The following PRKG1 variants were observed in gnomAD, a reference collection of about 807,000 sequenced individuals.
PRKG1 encodes cGMP-dependent protein kinase 1.
In PRKG1, 35 loss-of-function variants were observed where a neutral mutation model predicts 88.1. The ratio of observed to expected loss-of-function variants is 0.40; its 90% CI spans 0.30 to 0.53. PRKG1 has a LOEUF of 0.53. PRKG1 is among the 20% of genes least tolerant of loss of function. PRKG1 has a pLI of 0.59. For synonymous variants in PRKG1, 303 were observed against 292.5 expected (o/e 1.04, Z -0.37); for missense variants, 540 against 839.8 (o/e 0.64, Z 4.41).
intron 5 of PRKG1, among the ~76,000 whole-genome samples, chr10:52,014,448 C>T (rs1216331697): frequency 1.3e-5 from 2 of 152,252 alleles, no homozygotes; most frequent in Middle Eastern, 3.4e-3. Context: ...CAATCACCCC[C>T]ATCAGGTCTT....
At chr10:52,178,788 T>A (rs1421691827) in intron 9 of PRKG1, among the ~76,000 whole-genome samples, 1 of 152,202 alleles carries the variant, frequency 6.6e-6, no homozygotes, top group East Asian at 1.9e-4. Flanking sequence ...TAAATCTTGT[T>A]TTGTCTGATG....
intron 2 of PRKG1, among the ~76,000 whole-genome samples, chr10:51,179,759 G>C (rs1289536672): frequency 6.6e-6 from 1 of 152,140 alleles, no homozygotes; most frequent in East Asian, 1.9e-4. Context: ...CAGTGGAGAA[G>C]TCATTCTCTT....
At chr10:51,516,302 C>T (rs61849818) in intron 3 of PRKG1, among the ~76,000 whole-genome samples, 36,742 of 151,906 alleles carry the variant, frequency 0.24, 4,855 homozygotes, top group Admixed American at 0.32. Flanking sequence ...CTGCTGTCTC[C>T]GAAGTCAAGT....
intron 2 of PRKG1, among the ~76,000 whole-genome samples, chr10:51,300,012 G>A (rs16916472): frequency 0.033 from 5,094 of 152,234 alleles, 271 homozygotes; most frequent in African/African-American, 0.11. Flanking sequence ...CAGAGGGTAT[G>A]AAGGGTGTCA....
intron 3 of PRKG1, among the ~76,000 whole-genome samples, chr10:51,701,498 C>T (rs1301292905): frequency 6.6e-6 from 1 of 152,140 alleles, no homozygotes; most frequent in East Asian, 1.9e-4. Flanking sequence ...ATAAGATTTT[C>T]CTGCTATGTC....
intron 4 of PRKG1, among the ~76,000 whole-genome samples, chr10:51,884,011 A>G (rs1433756203): frequency 1.6e-5 from 2 of 123,696 alleles, no homozygotes; most frequent in Admixed American, 1.8e-4. Context: ...AACTCAAGTT[A>G]GTCTTTTATT....
intron 3 of PRKG1, among the ~76,000 whole-genome samples, chr10:51,677,317 A>G (rs529209967): frequency 5.6e-4 from 85 of 152,266 alleles, no homozygotes; most frequent in African/African-American, 2.0e-3. Flanking sequence ...ACACTTTTGT[A>G]CCTTTCTTGT....
chr10:51,594,532 G>A (rs1838394882), intron 3 of PRKG1, among the ~76,000 whole-genome samples: 1 of 152,212 alleles, frequency 6.6e-6, no homozygotes, highest in Admixed American at 6.5e-5. Flanking sequence ...AACATCATGT[G>A]TGAGCACTCC....
intron 3 of PRKG1, among the ~76,000 whole-genome samples, chr10:51,694,078 G>A (rs902062080): frequency 2.0e-5 from 3 of 152,104 alleles, no homozygotes; most frequent in African/African-American, 7.2e-5. Flanking sequence ...CTTGATAAGA[G>A]ACTGATGAAA....
At chr10:52,144,703 G>A (rs1038319973) in intron 8 of PRKG1, among the ~76,000 whole-genome samples, 6 of 143,258 alleles carry the variant, frequency 4.2e-5, no homozygotes, top group African/African-American at 1.5e-4. Context: ...TGTAGTCCCA[G>A]CTACTTGGGA....
At chr10:50,993,789 G>A (rs936192545) in intron 1 of PRKG1, among the ~76,000 whole-genome samples, 29 of 152,216 alleles carry the variant, frequency 1.9e-4, no homozygotes, top group African/African-American at 6.5e-4. Flanking sequence ...CTCTCAAAGA[G>A]GCAAGAAATC....
chr10:52,244,395 TAA>T lies in PRKG1; in HGVS notation c.1077-7174_1077-7173del, dbSNP rs574771036. Among the ~76,000 whole-genome samples the T allele has an allele frequency of 4.5e-3, 685 of 152,008 alleles. 6 individuals carry two copies. The highest frequency in any genetic ancestry group is 0.015 in the African/African-American group (636 of 41,536). On this transcript the variant is annotated intron_variant, in intron 9 of 17. Transcript: ENST00000373980. ...ACTCTTTGTATAGCAATTAAATTAA[TAA>T]GAGATGATTGATGACTTGATTATAG...
chr10:51,916,686 T>C (rs1227506269), intron 5 of PRKG1, among the ~76,000 whole-genome samples: 1 of 152,172 alleles, frequency 6.6e-6, no homozygotes, highest in Non-Finnish European at 1.5e-5. Context: ...CCCAAGAGAA[T>C]TGGAAACACA....
In PRKG1 at chr10:52,130,601, A is replaced by C. The variant is rs183355769; in HGVS notation, c.936-3239A>C. Reference sequence around the variant, plus strand: ...ATTATATTTTCTATTTTGTGATGGTAGTTTGTTTATTATTGTTATTCATTT... The same window carrying C: ...ATTATATTTTCTATTTTGTGATGGTCGTTTGTTTATTATTGTTATTCATTT... On this transcript the variant is annotated intron_variant, in intron 7 of 17. Transcript: ENST00000373980. Among the ~76,000 whole-genome samples the C allele has an allele frequency of 2.6e-5, 4 of 152,310 alleles. No individual in the cohort carries two copies. In the South Asian group the frequency reaches 8.3e-4, roughly 32 times the overall value.
chr10:51,411,652 G>C (rs534175957), intron 2 of PRKG1, among the ~76,000 whole-genome samples: 4 of 152,306 alleles, frequency 2.6e-5, no homozygotes, highest in African/African-American at 9.6e-5. Flanking sequence ...TTCTCAGCAA[G>C]CTTCAAGTTG....
At chr10:51,392,836 A>G (rs1342423779) in intron 2 of PRKG1, among the ~76,000 whole-genome samples, 109 of 134,406 alleles carry the variant, frequency 8.1e-4, no homozygotes, top group Admixed American at 2.6e-3. Context: ...CCTCCCAGAC[A>G]GGGCGGCTGG....
chr10:51,277,966 C>T (rs1168255063), intron 2 of PRKG1, among the ~76,000 whole-genome samples: 1 of 152,056 alleles, frequency 6.6e-6, no homozygotes, highest in Non-Finnish European at 1.5e-5. Flanking sequence ...GCCTGATTGC[C>T]CTGGCTAGAA....
At position 52,021,667 on chromosome 10, in the gene PRKG1, T is replaced by A. The variant is rs76685170; in HGVS notation, c.763-32817T>A. On this transcript the variant is annotated intron_variant, in intron 5 of 17. Coordinates refer to ENST00000373980, the MANE Select transcript of PRKG1 (RefSeq NM_006258.4). ...GCATGGATACCTAATTTCAACTTTATGTTTCATATAATATGCATCATTTGA... is the reference window on the plus strand; with the variant it reads ...GCATGGATACCTAATTTCAACTTTAAGTTTCATATAATATGCATCATTTGA... Among the ~76,000 whole-genome samples, 1,518 of 152,338 alleles carry A rather than the reference T, an allele frequency of 1.0e-2. 20 individuals carry two copies. Among genetic ancestry groups the A allele is most frequent in the African/African-American group, 0.033 (1,355 of 41,586 alleles).
At chr10:51,915,020 A>G (rs1017864966) in intron 5 of PRKG1, among the ~76,000 whole-genome samples, 17 of 152,216 alleles carry the variant, frequency 1.1e-4, no homozygotes, top group African/African-American at 3.1e-4. Flanking sequence ...CTCTTGGGAA[A>G]AGGAGGTTAA....
Sources: gnomAD v4.1 joint callset for allele counts (sites outside exome capture counted in the v4.1 genomes callset) on GRCh38, gnomAD v4.1.1 for gene constraint, MANE v1.5 for transcripts, NCBI Gene and HGNC (gene_info 2026-07-23, HGNC 2026-07-21) for gene names.